Variants in AMPH observed in about 807,000 individuals in gnomAD.
The protein encoded by AMPH is amphiphysin (Stiff-Mann syndrome with breast cancer 128kD autoantigen).
Under a neutral mutation model 99.1 loss-of-function variants are expected in AMPH, and 49 were observed. The observed-to-expected ratio is 0.49, with a 90% CI of 0.39 to 0.63. AMPH has a LOEUF of 0.63. Among genes scored for constraint, AMPH ranks in the 20% least tolerant of loss-of-function variants. AMPH has a pLI of 0.00. For missense variants in AMPH, 759 were observed against 863.4 expected, an observed-to-expected ratio of 0.88 and a Z score of 1.52; for synonymous variants, 314 against 317.3, an observed-to-expected ratio of 0.99 and a Z score of 0.11.
At chr7:38,406,925 AGCCTTGC>A (rs1199762383) in intron 17 of AMPH, among the ~76,000 whole-genome samples, 1 of 148,256 alleles carries the variant, frequency 6.7e-6, no homozygotes, top group African/African-American at 2.5e-5. Flanking sequence ...ACTTAGGCTG[AGCCTTGC>A]TACTGGTTTC....
intron 17 of AMPH, among the ~76,000 whole-genome samples, chr7:38,404,109 T>C (rs1188785570): frequency 6.6e-6 from 1 of 151,950 alleles, no homozygotes; most frequent in African/African-American, 2.4e-5. Flanking sequence ...CACTGCAGAC[T>C]GGAGTCAAAG....
chr7:38,570,606 A>T (rs766374021), intron 1 of AMPH, among the ~76,000 whole-genome samples: 2 of 152,052 alleles, frequency 1.3e-5, no homozygotes, highest in Non-Finnish European at 2.9e-5. Context: ...TTGCATATGC[A>T]ATTATGTACA....
intron 1 of AMPH, among the ~76,000 whole-genome samples, chr7:38,577,943 T>C (rs1384781566): frequency 1.3e-5 from 2 of 152,174 alleles, no homozygotes; most frequent in African/African-American, 4.8e-5. Flanking sequence ...TCTTAGCAAA[T>C]ACCAAGGGCT....
chr7:38,488,609 C>A (rs909851410), intron 5 of AMPH, among the ~76,000 whole-genome samples: 1 of 152,046 alleles, frequency 6.6e-6, no homozygotes, highest in Non-Finnish European at 1.5e-5. Flanking sequence ...CCATGGCACA[C>A]GTATACCTAT....
intron 1 of AMPH, among the ~76,000 whole-genome samples, chr7:38,551,325 C>T (rs1372926129): frequency 2.0e-5 from 3 of 152,128 alleles, no homozygotes; most frequent in African/African-American, 7.2e-5. Context: ...CAACCAAATC[C>T]CTCCTCAGCA....
At chr7:38,565,780 C>G (rs1443484709) in intron 1 of AMPH, among the ~76,000 whole-genome samples, 2 of 152,100 alleles carry the variant, frequency 1.3e-5, no homozygotes, top group Admixed American at 6.5e-5. Context: ...TGCAAGAGTT[C>G]CGGGTCCTTC....
At chr7:38,434,783 A>C (rs1255996541) in intron 12 of AMPH, among the ~76,000 whole-genome samples, 1 of 152,094 alleles carries the variant, frequency 6.6e-6, no homozygotes, top group Non-Finnish European at 1.5e-5. Context: ...AGGCAGAGGA[A>C]ATCCTGTGAA....
At chr7:38,598,296 GTTTT>G (rs1329271898) in intron 1 of AMPH, among the ~76,000 whole-genome samples, 2 of 151,918 alleles carry the variant, frequency 1.3e-5, no homozygotes, top group African/African-American at 4.8e-5. Context: ...GTTGTTGTTT[GTTTT>G]TAAGACTGAG....
chr7:38,447,870 G>A (rs964722047), intron 11 of AMPH, among the ~76,000 whole-genome samples: 3 of 151,962 alleles, frequency 2.0e-5, no homozygotes, highest in Non-Finnish European at 4.4e-5. Flanking sequence ...TCTTCTTCTA[G>A]AGATTTTCAT....
chr7:38,630,361 G>C (rs1242949400), intron 1 of AMPH, among the ~76,000 whole-genome samples: 1 of 152,148 alleles, frequency 6.6e-6, no homozygotes, highest in Non-Finnish European at 1.5e-5. Context: ...AGGCAAGCCT[G>C]GTGCCTGGTA....
At chr7:38,392,163 C>G in intron 18 of AMPH, 146 bp from the exon 19 acceptor site, 3 of 741,358 alleles carry the variant, frequency 4.0e-6, no homozygotes, top group Middle Eastern at 4.0e-4. Flanking sequence ...TCTGGGCCTT[C>G]CGCTGTGCCA....
intron 11 of AMPH, among the ~76,000 whole-genome samples, chr7:38,447,773 C>T (rs902832135): frequency 6.7e-6 from 1 of 149,460 alleles, no homozygotes. Flanking sequence ...CACACACACA[C>T]ACACACCCAT....
rs1242873978 is a variant in AMPH at position 38,473,583 on chromosome 7, A to G, written c.590+1748T>C. Among the ~76,000 whole-genome samples the G allele has an allele frequency of 2.1e-4, 23 of 107,142 alleles. 2 individuals carry two copies. Among genetic ancestry groups the G allele is most frequent in the Non-Finnish European group, 1.7e-4 (9 of 54,512 alleles). 70.3% of individuals were successfully genotyped at this position (107,142 alleles called of 152,430 possible). ...GCCGGGCGCGGTGGCGGGCGCCTGT[A>G]GTCCCAGCTACTCGGGAGGCTGAGG... is the stretch of plus-strand genomic sequence containing the variant. On this transcript the variant is annotated intron_variant, in intron 7 of 20. Transcript: ENST00000356264.
chr7:38,489,453 CATT>C (rs377651257), intron 5 of AMPH, among the ~76,000 whole-genome samples: 1,795 of 152,004 alleles, frequency 0.012, 20 homozygotes, highest in South Asian at 0.025. Flanking sequence ...TTAAAATAAA[CATT>C]GGTGTTAGCA....
intron 2 of AMPH, among the ~76,000 whole-genome samples, chr7:38,527,958 G>GAATTTT (rs1790251320): frequency 6.6e-6 from 1 of 151,936 alleles, no homozygotes; most frequent in Non-Finnish European, 1.5e-5. Context: ...TTGTGGAGTG[G>GAATTTT]GTGCTGAATT....
intron 1 of AMPH, among the ~76,000 whole-genome samples, chr7:38,562,761 T>A (rs938501912): frequency 6.6e-6 from 1 of 152,142 alleles, no homozygotes; most frequent in Non-Finnish European, 1.5e-5. Flanking sequence ...TGATGTGCCA[T>A]TATTAAGAAT....
chr7:38,597,586 AT>A (rs950940397), intron 1 of AMPH, among the ~76,000 whole-genome samples: 6 of 152,032 alleles, frequency 3.9e-5, no homozygotes, highest in African/African-American at 7.2e-5. Flanking sequence ...TTATCTTTTT[AT>A]TTTTTTCCAC....
intron 17 of AMPH, among the ~76,000 whole-genome samples, chr7:38,415,862 T>A (rs1229974222): frequency 1.3e-5 from 2 of 152,018 alleles, no homozygotes; most frequent in Non-Finnish European, 1.5e-5. Flanking sequence ...TCTCAGGAAG[T>A]GCCTGAATCC....
intron 15 of AMPH, among the ~76,000 whole-genome samples, chr7:38,424,949 T>A (rs1231134283): frequency 6.6e-6 from 1 of 152,192 alleles, no homozygotes; most frequent in Non-Finnish European, 1.5e-5. Context: ...CACTAGGTGG[T>A]AGGATTGAGT....
Sources: allele counts gnomAD v4.1 joint callset (sites outside exome capture counted in the v4.1 genomes callset), GRCh38; gene constraint gnomAD v4.1.1; transcripts MANE v1.5; gene names NCBI Gene and HGNC (gene_info 2026-07-23, HGNC 2026-07-21).